FAM171B: variants seen among roughly 807,000 people sequenced by gnomAD.
FAM171B encodes family with sequence similarity 171 member B, also known as protein FAM171B.
Under a neutral mutation model 75.6 loss-of-function variants are expected in FAM171B, and 19 were observed. The observed-to-expected ratio is 0.25, with a 90% CI of 0.18 to 0.37. The LOEUF (loss-of-function observed/expected upper bound fraction) is 0.37. Ranked by LOEUF, FAM171B falls within the 10% of genes least tolerant of loss-of-function variation. The pLI, the probability that FAM171B is intolerant of heterozygous loss-of-function variation, is 1.00. For synonymous variants in FAM171B, 367 were observed against 361.7 expected, an observed-to-expected ratio of 1.01 and a Z score of -0.17; for missense variants, 848 against 982.4, an observed-to-expected ratio of 0.86 and a Z score of 1.83.
At chr2:186,729,432 G>T (rs896595919) in intron 1 of FAM171B, among the ~76,000 whole-genome samples, 75 of 148,240 alleles carry the variant, frequency 5.1e-4, no homozygotes, top group Admixed American at 4.3e-3. Flanking sequence ...AAATGCCAAA[G>T]TATTTTTTTT....
rs1690493400 is a variant in FAM171B, at chr2:186,753,919, A to G, written c.896-14A>G. On this transcript the variant is annotated splice_polypyrimidine_tract_variant and intron_variant, in intron 5 of 7. Transcript: ENST00000304698. The stretch of plus-strand genomic sequence containing the variant: ...GATATAACTGTAACAAGTATTTTTT[A>G]CATACCTTTTTAGGTGCTTGGGTAA... The G allele has an allele frequency of 1.2e-6, 2 of 1,600,336 alleles. No individual in the cohort carries two copies. Among genetic ancestry groups the G allele is most frequent in the African/African-American group, 1.3e-5 (1 of 74,602 alleles).
intron 1 of FAM171B, among the ~76,000 whole-genome samples, chr2:186,700,276 G>A (rs1285648385): frequency 7.3e-5 from 11 of 151,022 alleles, no homozygotes; most frequent in Non-Finnish European, 1.3e-4. Flanking sequence ...GAGGTAAAAT[G>A]TACATATGTG....
At chr2:186,706,677 C>T (rs2105772867) in intron 1 of FAM171B, among the ~76,000 whole-genome samples, 2 of 152,236 alleles carry the variant, frequency 1.3e-5, no homozygotes, top group South Asian at 4.1e-4. Flanking sequence ...AAATCCCAGT[C>T]CTGTTGTGGT....
intron 1 of FAM171B, among the ~76,000 whole-genome samples, chr2:186,707,846 A>ATTTTT: frequency 6.6e-6 from 1 of 150,958 alleles, no homozygotes; most frequent in South Asian, 2.1e-4. Flanking sequence ...TTTTTTAAAA[A>ATTTTT]AAAAAAAAGG....
chr2:186,740,018 A>T (rs576714940), intron 1 of FAM171B, among the ~76,000 whole-genome samples: 96 of 152,314 alleles, frequency 6.3e-4, no homozygotes, highest in African/African-American at 2.3e-3. Flanking sequence ...TCATTGACTG[A>T]AATGTTGCTA....
At chr2:186,705,256 G>A (rs1689718587) in intron 1 of FAM171B, among the ~76,000 whole-genome samples, 1 of 152,194 alleles carries the variant, frequency 6.6e-6, no homozygotes, top group Non-Finnish European at 1.5e-5. Context: ...CTAGGGAAGA[G>A]GTAGTAGCTT....
chr2:186,723,155 C>G (rs544472393), intron 1 of FAM171B, among the ~76,000 whole-genome samples: 1 of 152,288 alleles, frequency 6.6e-6, no homozygotes, highest in Admixed American at 6.5e-5. Flanking sequence ...GTAATTCACA[C>G]TTAATTCATC....
Position 186,694,304 on chromosome 2 carries a change from A to AGCT in FAM171B, c.133_134insTGC (p.Gln44_Gln45insLeu), listed in dbSNP as rs1253663063. 7.2e-7 allele frequency: 1 copy of AGCT among 1,398,166 alleles called. No individual in the cohort carries two copies. Among genetic ancestry groups the AGCT allele is most frequent in the Non-Finnish European group, 9.8e-7 (1 of 1,016,472 alleles). 86.6% of individuals were successfully genotyped at this position (1,398,166 alleles called of 1,614,324 possible). On this transcript the variant is annotated inframe_insertion, in exon 1 of 8. Coordinates refer to ENST00000304698, the MANE Select transcript of FAM171B (RefSeq NM_177454.4). ...CGCTCCGACCTCAGCCTCATCCAAC[A>AGCT]GCAGCAGCAGCAGCAGCAACAACAA... is the stretch of plus-strand genomic sequence containing the variant.
At chr2:186,739,805 C>CTAT (rs1690260997) in intron 1 of FAM171B, among the ~76,000 whole-genome samples, 1 of 152,136 alleles carries the variant, frequency 6.6e-6, no homozygotes, top group African/African-American at 2.4e-5. Context: ...GTAACGTAAT[C>CTAT]TATTATCAAG....
chr2:186,760,218 A>G (rs1368307613), intron 6 of FAM171B, among the ~76,000 whole-genome samples: 1 of 152,090 alleles, frequency 6.6e-6, no homozygotes, highest in Non-Finnish European at 1.5e-5. Flanking sequence ...AGTAAAGCTT[A>G]TCACAATGGC....
intron 4 of FAM171B, 113 bp from the exon 5 acceptor site, chr2:186,751,021 T>C: frequency 1.3e-6 from 1 of 761,436 alleles, no homozygotes; most frequent in Admixed American, 2.6e-5. Flanking sequence ...TATTTGATAT[T>C]AAAATAGATA....
rs556926753 is a variant in FAM171B at position 186,762,783 on chromosome 2, G to A, written c.2441G>A (p.Trp814Ter). 1 of 1,612,986 alleles carries A rather than the reference G, an allele frequency of 6.2e-7. No homozygotes were observed. Among genetic ancestry groups the A allele is most frequent in the African/African-American group, 1.3e-5 (1 of 74,912 alleles). Residue 814 changes from tryptophan (W) to a stop codon, truncating the protein, a stop_gained, in exon 8 of 8, where the codon TGG becomes TAG. Transcript: ENST00000304698. LOFTEE classifies it high-confidence loss of function. The surrounding 1 kb of genome is among the most constrained non-coding windows in gnomAD (Gnocchi z 4.0). Reference protein sequence around the residue: ...LAKRDSKTNIWKKREERPLIP... With the variant: ...LAKRDSKTNI ...AAAAGAGATAGCAAGACTAACATCT[G>A]GAAGAAGCGAGAGGAACGCCCACTG...
At chr2:186,718,659 C>G (rs1215784173) in intron 1 of FAM171B, among the ~76,000 whole-genome samples, 2 of 152,138 alleles carry the variant, frequency 1.3e-5, no homozygotes, top group Non-Finnish European at 2.9e-5. Context: ...TAGCTAGCTA[C>G]TAACTCAAAG....
intron 6 of FAM171B, among the ~76,000 whole-genome samples, chr2:186,757,992 A>C (rs539123141): frequency 6.6e-6 from 1 of 152,294 alleles, no homozygotes; most frequent in African/African-American, 2.4e-5. Flanking sequence ...AAAACTTCAT[A>C]TTGTACAGTG....
chr2:186,721,882 A>G (rs1689958487), intron 1 of FAM171B, among the ~76,000 whole-genome samples: 1 of 151,582 alleles, frequency 6.6e-6, no homozygotes, highest in African/African-American at 2.4e-5. Context: ...CTAACTTAGT[A>G]GTCATTTGAA....
chr2:186,760,820 G>T (rs1690603467), intron 6 of FAM171B, among the ~76,000 whole-genome samples: 1 of 151,920 alleles, frequency 6.6e-6, no homozygotes. Flanking sequence ...CAGGTTGAAG[G>T]AATAACAACT....
chr2:186,746,078 T>C (rs1164900828), intron 3 of FAM171B, among the ~76,000 whole-genome samples: 1 of 152,242 alleles, frequency 6.6e-6, no homozygotes, highest in African/African-American at 2.4e-5. Flanking sequence ...TCTTCATCAG[T>C]GACCTTACTA....
chr2:186,710,430 T>G (rs1013629742), intron 1 of FAM171B, among the ~76,000 whole-genome samples: 5 of 152,250 alleles, frequency 3.3e-5, no homozygotes, highest in African/African-American at 4.8e-5. Context: ...CTTTAGACCT[T>G]ATTTATTTCC....
chr2:186,735,473 G>A (rs1172493927), intron 1 of FAM171B, among the ~76,000 whole-genome samples: 1 of 151,892 alleles, frequency 6.6e-6, no homozygotes, highest in Non-Finnish European at 1.5e-5. Flanking sequence ...ACCTCCAGAA[G>A]AATGGCTGGC....
Sources: gnomAD v4.1 joint callset for allele counts (sites outside exome capture counted in the v4.1 genomes callset) on GRCh38, gnomAD v4.1.1 for gene constraint, Gnocchi (gnomAD v3.1) non-coding constraint, MANE v1.5 for transcripts, NCBI Gene and HGNC (gene_info 2026-07-23, HGNC 2026-07-21) for gene names.